CDH13: variants seen among roughly 807,000 people sequenced by gnomAD.
The protein encoded by CDH13 is cadherin-13.
Under a neutral mutation model 63.8 loss-of-function variants are expected in CDH13, and 24 were observed. The ratio of observed to expected loss-of-function variants is 0.38; its 90% confidence interval spans 0.27 to 0.53. The LOEUF (loss-of-function observed/expected upper bound fraction) is 0.53, where lower values mean the gene tolerates loss of function less well. Ranked by LOEUF, CDH13 falls within the 20% of genes least tolerant of loss-of-function variation. The pLI, the probability that CDH13 is intolerant of heterozygous loss-of-function variation, is 0.85. For synonymous variants in CDH13, 503 were observed against 355.3 expected (o/e 1.42, Z -4.67); for missense variants, 1,049 against 903.1 (o/e 1.16, Z -2.07).
At chr16:82,896,992 A>G (rs1394092889) in intron 2 of CDH13, among the ~76,000 whole-genome samples, 2 of 141,254 alleles carry the variant, frequency 1.4e-5, no homozygotes, top group Non-Finnish European at 3.1e-5. Context: ...CATGTTAGCC[A>G]GGATGGTCTC....
intron 2 of CDH13, among the ~76,000 whole-genome samples, chr16:82,860,384 T>C (rs1157808773): frequency 4.7e-4 from 14 of 29,560 alleles, no homozygotes; most frequent in African/African-American, 1.9e-3. Context: ...TGTGTGTGTG[T>C]GTGTGGGGGG....
chr16:82,992,111 A>G (rs1247169610), intron 2 of CDH13, among the ~76,000 whole-genome samples: 2 of 152,216 alleles, frequency 1.3e-5, no homozygotes, highest in East Asian at 1.9e-4. Context: ...CATTAAGGAC[A>G]TGACTTCCTC....
rs139365977 is a variant in CDH13 at position 82,993,649 on chromosome 16, A to G, written c.158-38361A>G. 2.0e-5 allele frequency among the ~76,000 whole-genome samples: 3 copies of G among 152,306 alleles called. No individual in the cohort carries two copies. The East Asian group carries it at 5.8e-4, about 29-fold the overall frequency. On this transcript the variant is annotated intron_variant, in intron 2 of 13. Coordinates refer to ENST00000567109, the MANE Select transcript of CDH13 (RefSeq NM_001257.5). ...CATGTTATATCAGACTGTGTCTGCTAGTTCAGAGGATGCTGCTTCTCGGAT... is the reference window on the plus strand; with the variant it reads ...CATGTTATATCAGACTGTGTCTGCTGGTTCAGAGGATGCTGCTTCTCGGAT...
chr16:83,690,065 T>G (rs1482105764), intron 10 of CDH13, among the ~76,000 whole-genome samples: 3 of 151,700 alleles, frequency 2.0e-5, no homozygotes, highest in African/African-American at 7.3e-5. Context: ...CCCAGCTACT[T>G]GGGAGGCTGA....
intron 7 of CDH13, among the ~76,000 whole-genome samples, chr16:83,552,950 G>A (rs34890241): frequency 0.071 from 10,800 of 152,012 alleles, 524 homozygotes; most frequent in Non-Finnish European, 0.1. Flanking sequence ...GTGGTGGCAC[G>A]CACCTGTAAT....
chr16:83,625,379 C>G lies in CDH13; in HGVS notation c.1101+22785C>G, dbSNP rs149061164. On this transcript the variant is annotated intron_variant, in intron 8 of 13. Coordinates refer to ENST00000567109, the MANE Select transcript of CDH13 (RefSeq NM_001257.5). ...TGTACCCTGTTTAAAGGACGGTCCA[C>G]TTCCACCCTATACAGTTGGAGGGTC... Among the ~76,000 whole-genome samples, 728 of 152,298 alleles carry G rather than the reference C, an allele frequency of 4.8e-3. 7 individuals carry two copies. Among genetic ancestry groups the G allele is most frequent in the African/African-American group, 0.017 (705 of 41,556 alleles).
intron 1 of CDH13, among the ~76,000 whole-genome samples, chr16:82,835,454 G>A (rs1046347735): frequency 1.1e-4 from 17 of 152,140 alleles, no homozygotes; most frequent in Non-Finnish European, 1.5e-4. Flanking sequence ...TGCAAATATT[G>A]TACCCACCCA....
intron 5 of CDH13, among the ~76,000 whole-genome samples, chr16:83,337,752 T>G (rs1420240118): frequency 6.8e-6 from 1 of 148,116 alleles, no homozygotes. Context: ...TGCTACATAA[T>G]ATACAGACGC....
chr16:83,003,957 A>C (rs1404248700), intron 2 of CDH13, among the ~76,000 whole-genome samples: 1 of 152,186 alleles, frequency 6.6e-6, no homozygotes, highest in Non-Finnish European at 1.5e-5. Flanking sequence ...TAAATACTGT[A>C]CTTCCTTATC....
At chr16:83,163,441 G>A (rs140407140) in intron 4 of CDH13, among the ~76,000 whole-genome samples, 16 of 152,090 alleles carry the variant, frequency 1.1e-4, no homozygotes, top group Middle Eastern at 3.4e-3. Flanking sequence ...TGAACCGCCC[G>A]CTAACCTCCT....
chr16:83,681,686 C>T (rs896695130), intron 10 of CDH13, among the ~76,000 whole-genome samples: 1 of 152,252 alleles, frequency 6.6e-6, no homozygotes, highest in African/African-American at 2.4e-5. Flanking sequence ...CATGGGAGCT[C>T]TTTGGGAAAA....
At chr16:83,094,961 G>C (rs1410859032) in intron 3 of CDH13, among the ~76,000 whole-genome samples, 1 of 152,178 alleles carries the variant, frequency 6.6e-6, no homozygotes, top group Admixed American at 6.5e-5. Context: ...TACACCTTGT[G>C]TGAGCTTGAG....
chr16:82,742,132 G>A (rs758192962), intron 1 of CDH13, among the ~76,000 whole-genome samples: 7 of 152,064 alleles, frequency 4.6e-5, no homozygotes, highest in Non-Finnish European at 8.8e-5. Context: ...ATGGGAAAAG[G>A]TTTACCATGT....
intron 7 of CDH13, among the ~76,000 whole-genome samples, chr16:83,576,123 A>G (rs1390287492): frequency 3.3e-5 from 5 of 152,124 alleles, no homozygotes; most frequent in African/African-American, 1.2e-4. Context: ...TATCATCCCA[A>G]AAGGAAACTC....
At chr16:83,732,425 G>A (rs1220373646) in intron 10 of CDH13, among the ~76,000 whole-genome samples, 1 of 152,176 alleles carries the variant, frequency 6.6e-6, no homozygotes, top group Non-Finnish European at 1.5e-5. Flanking sequence ...AGTTGATGGT[G>A]GGAGGTGAGC....
chr16:83,285,821 T>G (rs796545075), intron 5 of CDH13, among the ~76,000 whole-genome samples: 43 of 152,284 alleles, frequency 2.8e-4, no homozygotes, highest in African/African-American at 1.0e-3. Flanking sequence ...TTATTAATCA[T>G]ATTTGTATTA....
intron 7 of CDH13, among the ~76,000 whole-genome samples, chr16:83,531,412 C>T (rs2075080266): frequency 6.6e-6 from 1 of 152,158 alleles, no homozygotes; most frequent in Non-Finnish European, 1.5e-5. Flanking sequence ...GACTATGTTA[C>T]CTTACACAGC....
intron 5 of CDH13, among the ~76,000 whole-genome samples, chr16:83,240,894 C>T (rs909311805): frequency 6.6e-6 from 1 of 151,940 alleles, no homozygotes; most frequent in Non-Finnish European, 1.5e-5. Flanking sequence ...AGTAAAGTAG[C>T]ATTAAGTCCA....
At chr16:83,705,360 C>T (rs758276579) in intron 10 of CDH13, among the ~76,000 whole-genome samples, 13 of 152,180 alleles carry the variant, frequency 8.5e-5, no homozygotes, top group African/African-American at 7.2e-5. Flanking sequence ...CGGTGGCTCA[C>T]GCCTGTAATC....
Sources: allele counts gnomAD v4.1 joint callset (sites outside exome capture counted in the v4.1 genomes callset), GRCh38; gene constraint gnomAD v4.1.1; transcripts MANE v1.5; gene names NCBI Gene and HGNC (gene_info 2026-07-23, HGNC 2026-07-21).